CHRNA5: variants seen among roughly 807,000 people sequenced by gnomAD.
CHRNA5 encodes the protein neuronal acetylcholine receptor subunit alpha-5.
In CHRNA5, 28 loss-of-function variants were observed where a neutral mutation model predicts 41.2. The observed-to-expected ratio is 0.68, with a 90% confidence interval of 0.50 to 0.93. The LOEUF (loss-of-function observed/expected upper bound fraction) is 0.93, where lower values mean the gene tolerates loss of function less well. Among genes scored for constraint, CHRNA5 ranks in the 40% least tolerant of loss-of-function variants. The pLI is 0.00. For missense variants in CHRNA5, 481 were observed against 581.9 expected (o/e 0.83, Z 1.78); for synonymous variants, 188 against 205.8 (o/e 0.91, Z 0.74).
exon 6 of CHRNA5, chr15:78,595,242 GATTTTTATATATAA>G: frequency 1.0e-6 from 1 of 968,408 alleles, no homozygotes; most frequent in Non-Finnish European, 1.2e-6. Flanking sequence ...TGTTACTTAT[GATTTTTATATATAA>G]ATTTTTATCG....
At chr15:78,565,546 T>G (rs929018427) in exon 1 of CHRNA5, 93 of 212,530 alleles carry the variant, frequency 4.4e-4, no homozygotes, top group Non-Finnish European at 7.3e-4. Flanking sequence ...CGCCAGAAGC[T>G]GCTAGGCTGA....
At chr15:78,585,392 T>C (rs540586645) in intron 2 of CHRNA5, among the ~76,000 whole-genome samples, 55 of 152,270 alleles carry the variant, frequency 3.6e-4, no homozygotes, top group African/African-American at 1.2e-3. Context: ...TTACCTGTTG[T>C]TGGGACGGGA....
chr15:78,576,941 G>A (rs2052863781), intron 1 of CHRNA5, among the ~76,000 whole-genome samples: 1 of 152,072 alleles, frequency 6.6e-6, no homozygotes. Context: ...TTTTCCATTT[G>A]ATTCAGTTTA....
At chr15:78,568,314 A>C (rs1224185010) in intron 1 of CHRNA5, among the ~76,000 whole-genome samples, 2 of 152,160 alleles carry the variant, frequency 1.3e-5, no homozygotes, top group East Asian at 3.8e-4. Context: ...TAATACAAGC[A>C]TTTTAAACTG....
At chr15:78,574,210 G>A (rs1393575109) in intron 1 of CHRNA5, among the ~76,000 whole-genome samples, 10 of 150,650 alleles carry the variant, frequency 6.6e-5, no homozygotes, top group South Asian at 4.2e-4. Context: ...GAGAAACCCC[G>A]TCTCTACTAA....
intron 3 of CHRNA5, 77 bp downstream of exon 3, chr15:78,586,766 A>C (rs1324803399): frequency 1.0e-6 from 1 of 1,003,920 alleles, no homozygotes; most frequent in Non-Finnish European, 1.6e-6. Context: ...TGTAGCAGAA[A>C]TACAAGAGTA....
chr15:78,570,127 A>G (rs535058265), intron 1 of CHRNA5, among the ~76,000 whole-genome samples: 4 of 152,022 alleles, frequency 2.6e-5, no homozygotes, highest in East Asian at 2.0e-4. Flanking sequence ...TGGCCTGGGT[A>G]TAGTTTTATA....
At chr15:78,566,249 C>T (rs1309900818) in intron 1 of CHRNA5, among the ~76,000 whole-genome samples, 1 of 152,134 alleles carries the variant, frequency 6.6e-6, no homozygotes, top group Non-Finnish European at 1.5e-5. Context: ...CTGCCCGCCG[C>T]CTCTTCCTCC....
chr15:78,570,307 G>T (rs1288466851), intron 1 of CHRNA5, among the ~76,000 whole-genome samples: 3 of 151,624 alleles, frequency 2.0e-5, no homozygotes, highest in Non-Finnish European at 4.4e-5. Context: ...CACCTAGGCT[G>T]GAGTGCAGTG....
chr15:78,573,974 T>A (rs925256354), intron 1 of CHRNA5, among the ~76,000 whole-genome samples: 1 of 144,488 alleles, frequency 6.9e-6, no homozygotes, highest in Non-Finnish European at 1.5e-5. Context: ...TTTTTTTTTT[T>A]TTTTTTTTTT....
intron 1 of CHRNA5, among the ~76,000 whole-genome samples, chr15:78,567,416 ATC>A (rs1485435821): frequency 6.6e-6 from 1 of 152,212 alleles, no homozygotes; most frequent in African/African-American, 2.4e-5. Context: ...AACTTTAAAA[ATC>A]TGTTTCATGT....
At chr15:78,593,966 G>C (rs977539156) in exon 6 of CHRNA5, 1 of 152,338 alleles carries the variant, frequency 6.6e-6, no homozygotes, top group African/African-American at 2.4e-5. Context: ...TTGAACCCAG[G>C]TGGCGGAGGT....
At chr15:78,570,946 A>T (rs1330492613) in intron 1 of CHRNA5, among the ~76,000 whole-genome samples, 1 of 152,190 alleles carries the variant, frequency 6.6e-6, no homozygotes, top group Admixed American at 6.5e-5. Flanking sequence ...ACATTGTCAG[A>T]TGTGCCCTGG....
chr15:78,575,479 A>G (rs577022047), intron 1 of CHRNA5, among the ~76,000 whole-genome samples: 1 of 152,140 alleles, frequency 6.6e-6, no homozygotes, highest in African/African-American at 2.4e-5. Context: ...AGGTTGTATT[A>G]TAATTATTAT....
chr15:78,571,361 A>C (rs1217054811), intron 1 of CHRNA5, among the ~76,000 whole-genome samples: 1 of 152,242 alleles, frequency 6.6e-6, no homozygotes, highest in Non-Finnish European at 1.5e-5. Flanking sequence ...ATTTTCTTCC[A>C]GTCCTTAGTA....
rs1013992349 is a variant in CHRNA5, at chr15:78,588,926, CCA to C, written c.413+504_413+505del. Among the ~76,000 whole-genome samples, 2 of 150,170 alleles carry C rather than the reference CCA, an allele frequency of 1.3e-5. No individual in the cohort carries two copies. The highest frequency in any genetic ancestry group is 4.9e-5 in the African/African-American group (2 of 40,654). On this transcript the variant is annotated intron_variant, in intron 4 of 5. Transcript: ENST00000299565. The surrounding 1 kb of genome is among the most constrained non-coding windows in gnomAD (Gnocchi z 4.1). ...TTAGGGGAGAGGAAAATTCTGGGTACCAGTTTTATTTTTTTCTAAGACCACTC... is the reference window on the plus strand; with the variant it reads ...TTAGGGGAGAGGAAAATTCTGGGTACGTTTTATTTTTTTCTAAGACCACTC...
intron 5 of CHRNA5, among the ~76,000 whole-genome samples, chr15:78,591,885 T>G (rs514743): frequency 4.6e-5 from 7 of 152,156 alleles, no homozygotes; most frequent in Non-Finnish European, 1.0e-4. Context: ...GGAGCTATCA[T>G]TGGAGTTTTT....
At chr15:78,583,587 C>T (rs1480220219) in intron 2 of CHRNA5, among the ~76,000 whole-genome samples, 9 of 151,494 alleles carry the variant, frequency 5.9e-5, no homozygotes, top group South Asian at 2.1e-4. Context: ...CCCAGCTACT[C>T]GGGAGGCCGA....
intron 2 of CHRNA5, among the ~76,000 whole-genome samples, chr15:78,583,376 T>G (rs1168984535): frequency 6.6e-6 from 1 of 152,068 alleles, no homozygotes; most frequent in Non-Finnish European, 1.5e-5. Flanking sequence ...CCTAGGTGAT[T>G]AGAGTGGAAG....
Sources: allele counts gnomAD v4.1 joint callset (sites outside exome capture counted in the v4.1 genomes callset), GRCh38; gene constraint gnomAD v4.1.1; non-coding constraint Gnocchi (gnomAD v3.1); transcripts MANE v1.5; gene names NCBI Gene and HGNC (gene_info 2026-07-23, HGNC 2026-07-21).